The following MFSD11 variants were observed in gnomAD, a reference collection of about 807,000 sequenced individuals.
The protein encoded by MFSD11 is UNC93-like protein MFSD11.
MFSD11 carries 36 observed loss-of-function variants against 53.5 expected under a neutral mutation model. That is an observed-to-expected ratio of 0.67 (90% CI 0.52 to 0.89). The LOEUF (loss-of-function observed/expected upper bound fraction) is 0.89. Among genes scored for constraint, MFSD11 ranks in the 40% least tolerant of loss-of-function variants. The pLI is 0.00. For missense variants in MFSD11, 530 were observed against 543.9 expected, an observed-to-expected ratio of 0.97 and a Z score of 0.25; for synonymous variants, 186 against 184.9, an observed-to-expected ratio of 1.01 and a Z score of -0.05.
upstream of MFSD11, chr17:76,737,835 A>G (rs1294326093): frequency 1.2e-5 from 2 of 160,008 alleles, no homozygotes. Flanking sequence ...CCGCTTCCCA[A>G]CCCCCTTTCG....
rs139575270 is a variant in MFSD11 at position 76,753,921 on chromosome 17, A to C, written c.642-126A>C. On this transcript the variant is annotated intron_variant, in intron 7 of 12. Coordinates refer to ENST00000685175, the MANE Select transcript of MFSD11 (RefSeq NM_001242532.5). The stretch of plus-strand genomic sequence containing the variant: ...CCCTGAGGCAAGGAGCATTCGAGTC[A>C]CTGGGAATGCATCTCAGACCTGGTA... 1.7e-3 allele frequency: 1,169 copies of C among 701,976 alleles called. 7 individuals are homozygous for C. Among genetic ancestry groups the C allele is most frequent in the South Asian group, 0.015 (818 of 52,792 alleles). 43.5% of individuals were successfully genotyped at this position (701,976 alleles called of 1,614,324 possible).
chr17:76,784,575 A>C (rs920000971), downstream of MFSD11, among the ~76,000 whole-genome samples: 2 of 151,734 alleles, frequency 1.3e-5, no homozygotes, highest in Admixed American at 6.6e-5. Flanking sequence ...TCTCCATACG[A>C]TGGAATGGCA....
chr17:76,743,154 G>A (rs893527791), intron 5 of MFSD11, among the ~76,000 whole-genome samples: 1 of 152,082 alleles, frequency 6.6e-6, no homozygotes, highest in African/African-American at 2.4e-5. Flanking sequence ...ATTCTTCTTT[G>A]AAGGGTGCCT....
intron 8 of MFSD11, among the ~76,000 whole-genome samples, chr17:76,756,857 C>T (rs2079692447): frequency 6.9e-6 from 1 of 145,618 alleles, no homozygotes; most frequent in South Asian, 2.3e-4. Context: ...GAGACTCCAT[C>T]TCAGAAAAAA....
intron 5 of MFSD11, 112 bp from the exon 6 acceptor site, chr17:76,743,286 G>C (rs2078260731): frequency 1.5e-5 from 10 of 689,518 alleles, no homozygotes; most frequent in Non-Finnish European, 1.9e-5. Flanking sequence ...CTTTAAAAAT[G>C]ATGTCCTTCT....
intron 7 of MFSD11, 62 bp from the exon 8 acceptor site, chr17:76,753,985 C>CTT (rs2079323526): frequency 1.5e-6 from 2 of 1,357,474 alleles, no homozygotes; most frequent in African/African-American, 1.5e-5. Context: ...AAAATGTGAT[C>CTT]GTATGTTTGT....
At chr17:76,772,154 C>T (rs2081421093) in intron 10 of MFSD11, among the ~76,000 whole-genome samples, 1 of 152,100 alleles carries the variant, frequency 6.6e-6, no homozygotes, top group Admixed American at 6.6e-5. Flanking sequence ...AGGCACAGTG[C>T]TCACGCCTAT....
At position 76,775,183 on chromosome 17, in the gene MFSD11, G is replaced by A. The variant is rs2081707208; in HGVS notation, c.1049+12G>A. Reference sequence around the variant, plus strand: ...TACATCAAATCCAGGTATAGTGGCTGTCATTTCTCTAGTCGCTTGAGTACG... The same window carrying A: ...TACATCAAATCCAGGTATAGTGGCTATCATTTCTCTAGTCGCTTGAGTACG... On this transcript the variant is annotated intron_variant, in intron 11 of 12. Transcript: ENST00000685175. 2 of 1,612,412 alleles carry A rather than the reference G, an allele frequency of 1.2e-6. No individual in the cohort carries two copies. Among genetic ancestry groups the A allele is most frequent in the Non-Finnish European group, 1.7e-6 (2 of 1,179,336 alleles).
At chr17:76,758,545 T>C (rs2079877325) in intron 8 of MFSD11, among the ~76,000 whole-genome samples, 1 of 133,600 alleles carries the variant, frequency 7.5e-6, no homozygotes, top group Admixed American at 8.5e-5. Context: ...ATGGCGCCAC[T>C]GCACTCCAGC....
intron 6 of MFSD11, 32 bp from the exon 7 acceptor site, chr17:76,744,290 A>C (rs1305131244): frequency 6.3e-7 from 1 of 1,592,516 alleles, no homozygotes; most frequent in Non-Finnish European, 8.5e-7. Context: ...TGTTTGGTCG[A>C]TACTATCTTG....
chr17:76,754,134 T>TA, intron 8 of MFSD11, 47 bp downstream of exon 8: 1 of 1,383,212 alleles, frequency 7.2e-7, no homozygotes, highest in Non-Finnish European at 9.6e-7. Flanking sequence ...CAGGAACAAC[T>TA]CGGCATTTGC....
chr17:76,776,686 G>C lies in MFSD11; in HGVS notation c.1185+145G>C. 1.2e-6 allele frequency: 1 copy of C among 812,370 alleles called. No homozygotes were observed. The highest frequency in any genetic ancestry group is 1.7e-6 in the Non-Finnish European group (1 of 572,290). The allele number at this position is 812,370 out of a possible 1,614,324, so 50.3% of individuals were successfully genotyped here. ...GATAGAGTCTCTCTCTGTCACTCAG[G>C]CTGGAGTGCAGTAGCGCAATCTTGA... On this transcript the variant is annotated intron_variant, in intron 12 of 12. Coordinates refer to ENST00000685175, the MANE Select transcript of MFSD11 (RefSeq NM_001242532.5). The surrounding 1 kb of genome is among the most constrained non-coding windows in gnomAD (Gnocchi z 4.2).
downstream of MFSD11, among the ~76,000 whole-genome samples, chr17:76,783,152 C>CAAAA (rs753696509): frequency 5.5e-5 from 6 of 109,508 alleles, no homozygotes; most frequent in African/African-American, 1.2e-4. Context: ...ACTCCAGCTC[C>CAAAA]AAAAAAAAAA....
At chr17:76,782,772 C>G (rs1054056617), downstream of MFSD11, among the ~76,000 whole-genome samples, 2 of 152,022 alleles carry the variant, frequency 1.3e-5, no homozygotes, top group Admixed American at 1.3e-4. Context: ...GCCCACCACG[C>G]GGGGCTGCTT....
intron 8 of MFSD11, among the ~76,000 whole-genome samples, chr17:76,762,145 A>G (rs1013439277): frequency 1.3e-5 from 2 of 152,008 alleles, no homozygotes; most frequent in South Asian, 4.1e-4. Context: ...CTACTATTGC[A>G]CCCATTCCTC....
At chr17:76,772,407 C>A (rs2081444851) in intron 10 of MFSD11, among the ~76,000 whole-genome samples, 1 of 150,588 alleles carries the variant, frequency 6.6e-6, no homozygotes, top group South Asian at 2.1e-4. Context: ...CTCAAAAAAA[C>A]CAAAAAACCA....
intron 7 of MFSD11, among the ~76,000 whole-genome samples, chr17:76,750,985 G>C (rs1433381588): frequency 1.3e-5 from 2 of 151,532 alleles, no homozygotes; most frequent in Non-Finnish European, 2.9e-5. Flanking sequence ...ATTTTTAGTA[G>C]AGGTGGGGTT....
At position 76,739,008 on chromosome 17, in the gene MFSD11, G is replaced by A; in HGVS notation, c.152+15G>A. ...GGATATACCAGGTATTGTACCGTATGATTGATTTTGCTTTATATTTGACAG... is the reference window on the plus strand; with the variant it reads ...GGATATACCAGGTATTGTACCGTATAATTGATTTTGCTTTATATTTGACAG... On this transcript the variant is annotated intron_variant, in intron 2 of 12. Transcript: ENST00000685175. The A allele has an allele frequency of 6.2e-7, 1 of 1,606,562 alleles. No homozygotes were observed. Among genetic ancestry groups the A allele is most frequent in the Non-Finnish European group, 8.5e-7 (1 of 1,173,500 alleles).
the MFSD11 span, among the ~76,000 whole-genome samples, chr17:76,794,882 G>T: frequency 2.0e-5 from 3 of 150,878 alleles, no homozygotes; most frequent in Non-Finnish European, 4.4e-5. Context: ...TTTTAGTAGA[G>T]ACGGGGTTTC....
Sources: allele counts gnomAD v4.1 joint callset (sites outside exome capture counted in the v4.1 genomes callset), GRCh38; gene constraint gnomAD v4.1.1; non-coding constraint Gnocchi (gnomAD v3.1); transcripts MANE v1.5; gene names NCBI Gene and HGNC (gene_info 2026-07-23, HGNC 2026-07-21).